The following ITPRID2 variants were observed in gnomAD, a reference collection of about 807,000 sequenced individuals.
The protein encoded by ITPRID2 is protein ITPRID2.
A neutral mutation model predicts 124.3 loss-of-function variants in ITPRID2; 60 were observed. The observed-to-expected ratio is 0.48, with a 90% CI of 0.39 to 0.60. The LOEUF is 0.60. ITPRID2 is among the 20% of genes least tolerant of loss of function. The pLI is 0.00. For synonymous variants in ITPRID2, 521 were observed against 542.9 expected, an observed-to-expected ratio of 0.96 and a Z score of 0.56; for missense variants, 1,553 against 1,512.2, an observed-to-expected ratio of 1.03 and a Z score of -0.45.
intron 4 of ITPRID2, among the ~76,000 whole-genome samples, chr2:181,897,892 C>T (rs1253998885): frequency 2.0e-5 from 3 of 151,874 alleles, no homozygotes; most frequent in Non-Finnish European, 2.9e-5. Context: ...TATTTCTGTT[C>T]ATATATTTTC....
At chr2:181,899,405 T>C (rs1692476489) in intron 6 of ITPRID2, among the ~76,000 whole-genome samples, 2 of 152,168 alleles carry the variant, frequency 1.3e-5, no homozygotes, top group Non-Finnish European at 2.9e-5. Context: ...GCGGAGTAAC[T>C]TGTAGTTGTA....
At position 181,919,187 on chromosome 2, in the gene ITPRID2, C is replaced by G; in HGVS notation, c.2994-109C>G. 7.8e-7 allele frequency: 1 copy of G among 1,279,894 alleles called. No homozygotes were observed. Among genetic ancestry groups the G allele is most frequent in the Non-Finnish European group, 1.1e-6 (1 of 913,100 alleles). 79.3% of individuals were successfully genotyped at this position (1,279,894 alleles called of 1,614,324 possible). On this transcript the variant is annotated intron_variant, in intron 13 of 17. Transcript: ENST00000431877. This position sits in a 1 kb window ranked among gnomAD's most constrained non-coding sequence, Gnocchi z 4.2. ...GTTGATATTGTACTAATTTCTAGAACCTGAGATTTCCATGCCTTCTGTTAG... is the reference window on the plus strand; with the variant it reads ...GTTGATATTGTACTAATTTCTAGAAGCTGAGATTTCCATGCCTTCTGTTAG...
At chr2:181,897,916 A>T (rs1412135906) in intron 4 of ITPRID2, among the ~76,000 whole-genome samples, 1 of 152,012 alleles carries the variant, frequency 6.6e-6, no homozygotes. Context: ...CTCTATAAAG[A>T]GCTTAAACTT....
At chr2:181,918,483 C>A in intron 11 of ITPRID2, 115 bp from the exon 12 acceptor site, 1 of 1,490,434 alleles carries the variant, frequency 6.7e-7, no homozygotes, top group Non-Finnish European at 8.9e-7. Context: ...TTTTTGGATC[C>A]TTTTGTCTTA....
In ITPRID2 at chr2:181,909,921, C is replaced by T. The variant is rs1211511806; in HGVS notation, c.1436C>T (p.Ala479Val). 1 of 1,613,274 alleles carries T rather than the reference C, an allele frequency of 6.2e-7. No homozygotes were observed. The highest frequency in any genetic ancestry group is 8.5e-7 in the Non-Finnish European group (1 of 1,179,376). Residue 479 changes from alanine to valine, a missense_variant, in exon 9 of 18, where the codon GCT becomes GTT. Coordinates refer to ENST00000431877, the MANE Select transcript of ITPRID2 (RefSeq NM_001130445.3). Reference sequence around the variant, plus strand: ...AAGGTTCAAAGTACGGAGGGAGAAGCTCCTCATGTTCCAGCCACTTACCAG... The same window carrying T: ...AAGGTTCAAAGTACGGAGGGAGAAGTTCCTCATGTTCCAGCCACTTACCAG... Reference protein sequence around the residue: ...MEEVQSTEGEAPHVPATYQLG... With the variant: ...MEEVQSTEGEVPHVPATYQLG...
Position 181,892,452 on chromosome 2 carries a change from C to A in ITPRID2, c.212-163C>A. 1 of 1,134,136 alleles carries A rather than the reference C, an allele frequency of 8.8e-7. No individual in the cohort carries two copies. Among genetic ancestry groups the A allele is most frequent in the Non-Finnish European group, 1.3e-6 (1 of 787,584 alleles). 70.3% of individuals were successfully genotyped at this position (1,134,136 alleles called of 1,614,324 possible). A position where few individuals can be genotyped will look rare whatever the true frequency, so the allele number is the denominator to read the frequency against. ...GAACGAGGCGCCCCCAGCGTCAACA[C>A]AGACAACTGGGTGCCATCCGATTTC... is the stretch of plus-strand genomic sequence containing the variant. On this transcript the variant is annotated intron_variant, in intron 1 of 17. Transcript: ENST00000431877. The surrounding 1 kb of genome is among the most constrained non-coding windows in gnomAD (Gnocchi z 5.2).
Position 181,902,111 on chromosome 2 carries a change from C to G in ITPRID2, c.1058C>G (p.Ser353Cys). The stretch of plus-strand genomic sequence containing the variant: ...AAAATTATGAAGAAGAAAGAGTCAT[C>G]TTCTATGTTGGCTACAGTTAAAGAA... The part of the protein sequence containing the change: ...SQKIMKKKES[S>C]SMLATVKEEV... The change falls in exon 8 of 18, where the codon TCT becomes TGT. Residue 353 changes from serine (S) to cysteine (C), a missense_variant. By Grantham distance (112) the Ser-to-Cys change is moderately radical. Transcript: ENST00000431877. The surrounding 1 kb of genome is among the most constrained non-coding windows in gnomAD (Gnocchi z 4.4). The G allele has an allele frequency of 6.2e-7, 1 of 1,611,006 alleles. No individual in the cohort carries two copies. Among genetic ancestry groups the G allele is most frequent in the Non-Finnish European group, 8.5e-7 (1 of 1,178,178 alleles).
Position 181,892,013 on chromosome 2 carries a change from G to A in ITPRID2, c.-54G>A, listed in dbSNP as rs536346883. On this transcript the variant is annotated 5_prime_UTR_variant, in exon 1 of 18. Transcript: ENST00000431877. This position sits in a 1 kb window ranked among gnomAD's most constrained non-coding sequence, Gnocchi z 5.2. ...GACAGCAAGGGCGGGGGTCCCTGCC[G>A]CCGCCTTGTCTCGCGCAGGGTCCGG... The A allele has an allele frequency of 2.0e-5, 30 of 1,497,802 alleles. No individual in the cohort carries two copies. Among genetic ancestry groups the A allele is most frequent in the Non-Finnish European group, 2.3e-5 (26 of 1,114,670 alleles). The allele number at this position is 1,497,802 out of a possible 1,614,324, so 92.8% of individuals were successfully genotyped here.
At chr2:181,916,466 T>C (rs764106766) in intron 11 of ITPRID2, 39 bp downstream of exon 11, 1 of 1,579,694 alleles carries the variant, frequency 6.3e-7, no homozygotes, top group Non-Finnish European at 8.6e-7. Flanking sequence ...TTTTTTCTTT[T>C]ACTGCTCTGA....
Position 181,922,393 on chromosome 2 carries a change from T to C in ITPRID2, c.3656T>C (p.Leu1219Ser). The part of the protein sequence containing the change: ...EMHKNVEQDE[L>S]QQVIREIKES... ...CATAAAAATGTGGAGCAAGATGAGTTGCAGCAAGTCATACGGGAGGTGGGT... is the reference window on the plus strand; with the variant it reads ...CATAAAAATGTGGAGCAAGATGAGTCGCAGCAAGTCATACGGGAGGTGGGT... Residue 1219 changes from leucine to serine, a missense_variant, in exon 16 of 18, where the codon TTG becomes TCG. Coordinates refer to ENST00000431877, the MANE Select transcript of ITPRID2 (RefSeq NM_001130445.3). 1 of 1,612,192 alleles carries C rather than the reference T, an allele frequency of 6.2e-7. No individual in the cohort carries two copies. Among genetic ancestry groups the C allele is most frequent in the Non-Finnish European group, 8.5e-7 (1 of 1,178,798 alleles).
At position 181,916,296 on chromosome 2, in the gene ITPRID2, G is replaced by A. The variant is rs1025779515; in HGVS notation, c.2656G>A (p.Gly886Arg). 7 of 1,614,084 alleles carry A rather than the reference G, an allele frequency of 4.3e-6. No individual in the cohort carries two copies. The highest frequency in any genetic ancestry group is 2.7e-5 in the African/African-American group (2 of 75,006). ...ATCSAFASPF[G>R]CPYSHRHATY... Reference sequence around the variant, plus strand: ...TTGTAGTGCCTTCGCTTCCCCTTTCGGGTGTCCTTACTCACATAGACATGC... The same window carrying A: ...TTGTAGTGCCTTCGCTTCCCCTTTCAGGTGTCCTTACTCACATAGACATGC... The change falls in exon 11 of 18, where the codon GGG (glycine) becomes AGG (arginine). Residue 886 changes from glycine to arginine, a missense_variant. Coordinates refer to ENST00000431877, the MANE Select transcript of ITPRID2 (RefSeq NM_001130445.3).
chr2:181,928,217 A>G lies in ITPRID2; in HGVS notation c.3732A>G (p.Ala1244=), dbSNP rs1303922302. 1 of 1,551,180 alleles carries G rather than the reference A, an allele frequency of 6.4e-7. No individual in the cohort carries two copies. Among genetic ancestry groups the G allele is most frequent in the East Asian group, 2.4e-5 (1 of 40,830 alleles). ...IRREIVSGLL[A]AVSSSKASNS... The stretch of plus-strand genomic sequence containing the variant: ...GGGAAATTGTAAGTGGACTTTTGGC[A>G]GCAGTATCTTCAAGTAAAGCGTCTA... Residue 1244 remains alanine, a synonymous_variant, in exon 17 of 18, where the codon GCA becomes GCG. Coordinates refer to ENST00000431877, the MANE Select transcript of ITPRID2 (RefSeq NM_001130445.3).
intron 17 of ITPRID2, among the ~76,000 whole-genome samples, chr2:181,929,310 A>G (rs750267216): frequency 7.9e-5 from 12 of 152,098 alleles, no homozygotes; most frequent in African/African-American, 2.9e-4. Context: ...TTTGAAAAGT[A>G]TAATATACAA....
In ITPRID2 at chr2:181,928,173, A is replaced by G. The variant is rs188227913; in HGVS notation, c.3688A>G (p.Ile1230Val). 8.6e-5 allele frequency: 133 copies of G among 1,548,254 alleles called. No individual in the cohort carries two copies. The African/African-American group carries it at 1.3e-3, about 15-fold the overall frequency. The change falls in exon 17 of 18, where the codon ATT becomes GTT. Residue 1230 changes from isoleucine to valine, a missense_variant. Transcript: ENST00000431877. The stretch of plus-strand genomic sequence containing the variant: ...TTTTCCAATCTAGATTAAAGAGTCT[A>G]TTGTTGGGGAAATCAGACGGGAAAT... ...QQVIREIKES[I>V]VGEIRREIVS...
At position 181,910,033 on chromosome 2, in the gene ITPRID2, G is replaced by A; in HGVS notation, c.1486+62G>A. The A allele has an allele frequency of 7.8e-7, 1 of 1,275,838 alleles. No homozygotes were observed. Among genetic ancestry groups the A allele is most frequent in the Non-Finnish European group, 1.1e-6 (1 of 883,318 alleles). 79.0% of individuals were successfully genotyped at this position (1,275,838 alleles called of 1,614,324 possible). On this transcript the variant is annotated intron_variant, in intron 9 of 17. Transcript: ENST00000431877. The surrounding 1 kb of genome is among the most constrained non-coding windows in gnomAD (Gnocchi z 4.1). ...ATCAAATATTAGTTGATTTGGAAAA[G>A]GGGTTTTATGTATCAGTATTTGTAG...
At chr2:181,904,771 A>G (rs1692963398) in intron 8 of ITPRID2, among the ~76,000 whole-genome samples, 1 of 152,208 alleles carries the variant, frequency 6.6e-6, no homozygotes, top group Admixed American at 6.5e-5. Flanking sequence ...TTAGGAAGCT[A>G]GGAAGGAGAA....
rs781764638 is a variant in ITPRID2 at position 181,909,980 on chromosome 2, A to G, written c.1486+9A>G. The G allele has an allele frequency of 6.2e-7, 1 of 1,602,160 alleles. No homozygotes were observed. The highest frequency in any genetic ancestry group is 8.5e-7 in the Non-Finnish European group (1 of 1,169,862). ...TACGAAGTCGAAAAGAGGTAAGTGG[A>G]CCAGTATCCACTAGTTCTGAGCACA... is the stretch of plus-strand genomic sequence containing the variant. On this transcript the variant is annotated intron_variant, in intron 9 of 17. Transcript: ENST00000431877.
In ITPRID2 at chr2:181,929,631, G is replaced by A; in HGVS notation, c.*84G>A. 2 of 1,612,716 alleles carry A rather than the reference G, an allele frequency of 1.2e-6. No individual in the cohort carries two copies. Among genetic ancestry groups the A allele is most frequent in the African/African-American group, 1.3e-5 (1 of 74,996 alleles). ...ATATGCACTGGTGGAGGTGTTATTT[G>A]TGCTTTAGAAGATACTTGCTGTTGA... On this transcript the variant is annotated 3_prime_UTR_variant, in exon 18 of 18. Coordinates refer to ENST00000431877, the MANE Select transcript of ITPRID2 (RefSeq NM_001130445.3).
At chr2:181,917,937 T>TA (rs1257502162) in intron 11 of ITPRID2, 2 of 152,256 alleles carry the variant, frequency 1.3e-5, no homozygotes. Context: ...CACTTTTTTT[T>TA]AACCGAGATC....
Sources: allele counts gnomAD v4.1 joint callset (sites outside exome capture counted in the v4.1 genomes callset), GRCh38; gene constraint gnomAD v4.1.1; non-coding constraint Gnocchi (gnomAD v3.1); transcripts MANE v1.5; gene names NCBI Gene and HGNC (gene_info 2026-07-23, HGNC 2026-07-21).